CCDC175: variants seen among roughly 807,000 people sequenced by gnomAD.
CCDC175 encodes coiled-coil domain containing 175, also known as coiled-coil domain-containing protein 175.
CCDC175 carries 100 observed loss-of-function variants against 114.6 expected under a neutral mutation model. That is an observed-to-expected ratio of 0.87 (90% CI 0.74 to 1.03). The LOEUF (loss-of-function observed/expected upper bound fraction) is 1.03. CCDC175 is among the 50% of genes least tolerant of loss of function. The pLI is 0.00. For synonymous variants in CCDC175, 306 were observed against 308.7 expected (o/e 0.99, Z 0.09); for missense variants, 880 against 917.8 (o/e 0.96, Z 0.53).
At chr14:59,561,066 AT>A in intron 7 of CCDC175, 52 bp downstream of exon 7, 1 of 883,018 alleles carries the variant, frequency 1.1e-6, no homozygotes, top group Non-Finnish European at 1.8e-6. Context: ...ACTATATTAT[AT>A]CATATTAACA....
In CCDC175 at chr14:59,508,423, C is replaced by CACACACACACACACACACACACACACAT. The variant is rs1244962098; in HGVS notation, c.2305+2222_2305+2223insATGTGTGTGTGTGTGTGTGTGTGTGTGT. Among the ~76,000 whole-genome samples, 9 of 150,556 alleles carry CACACACACACACACACACACACACACAT rather than the reference C, an allele frequency of 6.0e-5. No individual in the cohort carries two copies. In the South Asian group the frequency reaches 1.9e-3, roughly 33 times the overall value. ...ATACACACACACACACACACACACA[C>CACACACACACACACACACACACACACAT]ACACACACACACACTGCAGCCAGGC... On this transcript the variant is annotated intron_variant, in intron 19 of 19. Coordinates refer to ENST00000537690, the MANE Select transcript of CCDC175 (RefSeq NM_001164399.2).
chr14:59,570,772 C>T (rs1257201553), intron 3 of CCDC175, among the ~76,000 whole-genome samples: 4 of 151,906 alleles, frequency 2.6e-5, no homozygotes, highest in African/African-American at 4.8e-5. Flanking sequence ...GATGAAGTCT[C>T]GCTCTGTCAC....
intron 10 of CCDC175, among the ~76,000 whole-genome samples, chr14:59,541,400 C>G (rs1458404141): frequency 6.6e-6 from 1 of 152,164 alleles, no homozygotes. Context: ...TTATCCCCAG[C>G]CCCGCCTTTT....
Position 59,545,185 on chromosome 14 carries a change from G to A in CCDC175, c.1150C>T (p.Gln384Ter). ...VLSEEEKAFLQKQKIHDENQK... is the reference protein window; with the variant it reads ...VLSEEEKAFL ...TACTCATCATGAATCTTTTGTTTTT[G>A]CAAAAAAGCTTTTTCTTCCTCACTT... Residue 384 changes from glutamine to a stop codon, truncating the protein, a stop_gained, in exon 9 of 20, where the codon CAA (glutamine) becomes TAA (stop). Transcript: ENST00000537690. LOFTEE classifies it high-confidence loss of function. 6.5e-7 allele frequency: 1 copy of A among 1,536,242 alleles called. No homozygotes were observed. Among genetic ancestry groups the A allele is most frequent in the Non-Finnish European group, 8.7e-7 (1 of 1,146,482 alleles).
intron 12 of CCDC175, 53 bp from the exon 13 acceptor site, chr14:59,538,207 C>G: frequency 7.0e-7 from 1 of 1,426,038 alleles, no homozygotes. Flanking sequence ...ATCAGCCTTA[C>G]ATTTTCGAAT....
intron 8 of CCDC175, among the ~76,000 whole-genome samples, chr14:59,547,245 C>A (rs1279092310): frequency 1.3e-5 from 2 of 152,164 alleles, no homozygotes; most frequent in Non-Finnish European, 1.5e-5. Context: ...AGATCTAAAA[C>A]AAAAGACATA....
At chr14:59,556,316 A>C (rs1209132669) in intron 7 of CCDC175, among the ~76,000 whole-genome samples, 2 of 152,186 alleles carry the variant, frequency 1.3e-5, no homozygotes, top group Non-Finnish European at 2.9e-5. Flanking sequence ...ACACATCTAC[A>C]ACCATCTAAT....
intron 17 of CCDC175, among the ~76,000 whole-genome samples, chr14:59,520,776 T>C (rs1174860686): frequency 6.6e-6 from 1 of 152,140 alleles, no homozygotes; most frequent in Non-Finnish European, 1.5e-5. Context: ...GTCATTTCAT[T>C]TATATCTCAT....
In CCDC175 at chr14:59,543,375, C is replaced by G; in HGVS notation, c.1252G>C (p.Glu418Gln). 1 of 1,465,978 alleles carries G rather than the reference C, an allele frequency of 6.8e-7. No individual in the cohort carries two copies. The highest frequency in any genetic ancestry group is 9.1e-7 in the Non-Finnish European group (1 of 1,099,086). The allele number at this position is 1,465,978 out of a possible 1,614,324, so 90.8% of individuals were successfully genotyped here. ...AGTTCCTGGAGTGTGATGAGTCCTT[C>G]TTCCATATTTTTGATGTCTACTCTC... ...QKRVDIKNME[E>Q]GLITLQELQQ... Residue 418 changes from glutamate (E) to glutamine (Q), a missense_variant, in exon 10 of 20, where the codon GAA (glutamate) becomes CAA (glutamine). Glu to Gln is a conservative substitution (Grantham distance 29). Transcript: ENST00000537690.
At chr14:59,572,653 T>G (rs1422672764) in intron 3 of CCDC175, 49 bp downstream of exon 3, 1 of 1,015,968 alleles carries the variant, frequency 9.8e-7, no homozygotes, top group East Asian at 2.8e-5. Flanking sequence ...AGTACTTCAT[T>G]CTGTTATAAG....
intron 13 of CCDC175, among the ~76,000 whole-genome samples, chr14:59,536,060 C>T (rs1482075074): frequency 6.6e-6 from 1 of 152,178 alleles, no homozygotes; most frequent in African/African-American, 2.4e-5. Context: ...TGACAGCTTT[C>T]CCTGCCCAAT....
At chr14:59,518,611 C>A (rs1409889935) in intron 17 of CCDC175, among the ~76,000 whole-genome samples, 3 of 152,202 alleles carry the variant, frequency 2.0e-5, no homozygotes, top group Admixed American at 1.3e-4. Context: ...ATCAAAACCA[C>A]AATGAGATAC....
intron 13 of CCDC175, among the ~76,000 whole-genome samples, chr14:59,536,771 T>C (rs1161929712): frequency 1.3e-5 from 2 of 152,154 alleles, no homozygotes; most frequent in Non-Finnish European, 2.9e-5. Flanking sequence ...GAAGAATGTT[T>C]GATCATAGTA....
At chr14:59,519,647 T>G (rs958159142) in intron 17 of CCDC175, among the ~76,000 whole-genome samples, 1 of 152,172 alleles carries the variant, frequency 6.6e-6, no homozygotes, top group Admixed American at 6.5e-5. Flanking sequence ...ATGTGACAGA[T>G]TGTATTTTCC....
At chr14:59,548,976 G>A (rs1167369585) in intron 8 of CCDC175, among the ~76,000 whole-genome samples, 1 of 152,218 alleles carries the variant, frequency 6.6e-6, no homozygotes, top group East Asian at 1.9e-4. Context: ...GAAGATAGAT[G>A]AGGAACTGTG....
chr14:59,513,209 A>C (rs1253926625), intron 17 of CCDC175, among the ~76,000 whole-genome samples: 1 of 152,220 alleles, frequency 6.6e-6, no homozygotes, highest in East Asian at 1.9e-4. Context: ...GCCGAATAGG[A>C]ACAGCTCCAG....
At chr14:59,526,900 A>C (rs1893773440) in intron 15 of CCDC175, among the ~76,000 whole-genome samples, 195 bp downstream of exon 15, 2 of 152,208 alleles carry the variant, frequency 1.3e-5, no homozygotes, top group Non-Finnish European at 2.9e-5. Context: ...CATACATAGC[A>C]TATGTGTACA....
chr14:59,551,976 G>A (rs932673635), intron 7 of CCDC175, among the ~76,000 whole-genome samples: 2 of 152,258 alleles, frequency 1.3e-5, no homozygotes, highest in Non-Finnish European at 2.9e-5. Flanking sequence ...CCTGGAAGAT[G>A]GAACAGGGTG....
Position 59,568,331 on chromosome 14 carries a change from T to C in CCDC175, c.405A>G (p.Ile135Met). The change falls in exon 4 of 20, where the codon ATA (isoleucine) becomes ATG (methionine). Residue 135 changes from isoleucine (I) to methionine (M), a missense_variant. Physicochemically the swap from Ile to Met is conservative, Grantham distance 10. Transcript: ENST00000537690. Reference protein sequence around the residue: ...RRLNLFEINTIKMRITRTENE... With the variant: ...RRLNLFEINTMKMRITRTENE... ...TCTCTGTCCTTGTAATTCTCATTTT[T>C]ATTGTATTTATCTCAAAAAGATTTA... is the stretch of plus-strand genomic sequence containing the variant. The C allele has an allele frequency of 1.3e-6, 2 of 1,533,108 alleles. No homozygotes were observed. The highest frequency in any genetic ancestry group is 1.7e-6 in the Non-Finnish European group (2 of 1,145,398). The allele number at this position is 1,533,108 out of a possible 1,614,324, so 95.0% of individuals were successfully genotyped here. A position where few individuals can be genotyped will look rare whatever the true frequency, so the allele number is the denominator to read the frequency against.
Sources: gnomAD v4.1 joint callset for allele counts (sites outside exome capture counted in the v4.1 genomes callset) on GRCh38, gnomAD v4.1.1 for gene constraint, MANE v1.5 for transcripts, NCBI Gene and HGNC (gene_info 2026-07-23, HGNC 2026-07-21) for gene names.